The following DHRSX variants were observed in gnomAD, a reference collection of about 807,000 sequenced individuals.
The protein encoded by DHRSX is polyprenol dehydrogenase.
DHRSX carries 31 observed loss-of-function variants against 34.0 expected under a neutral mutation model. The ratio of observed to expected loss-of-function variants is 0.91; its 90% confidence interval spans 0.69 to 1.23. The LOEUF (loss-of-function observed/expected upper bound fraction) is 1.23. DHRSX is among the 50% of genes most tolerant of loss of function. The pLI is 0.00. For synonymous variants in DHRSX, 201 were observed against 183.8 expected (o/e 1.09, Z -0.76); for missense variants, 414 against 428.1 (o/e 0.97, Z 0.29).
At chrX:2,363,496 G>A (rs912838337) in intron 3 of DHRSX, among the ~76,000 whole-genome samples, 9 of 142,944 alleles carry the variant, frequency 6.3e-5, no homozygotes, top group East Asian at 2.3e-4. Flanking sequence ...TTTTATCACC[G>A]TTCTATGGTA....
chrX:2,484,743 A>G (rs1242080750), intron 1 of DHRSX, among the ~76,000 whole-genome samples: 1 of 152,126 alleles, frequency 6.6e-6, no homozygotes. Context: ...CTGAGATCAC[A>G]GAGGGGAAAA....
At chrX:2,393,634 A>AAGACACCCAGGGACAGGGACCTCAC (rs1569496771) in intron 3 of DHRSX, among the ~76,000 whole-genome samples, 3 of 148,102 alleles carry the variant, frequency 2.0e-5, no homozygotes, top group African/African-American at 7.7e-5. Flanking sequence ...TCCTGCACAC[A>AAGACACCCAGGGACAGGGACCTCAC]CGACACACAG....
At chrX:2,434,289 G>A (rs988647537) in intron 1 of DHRSX, among the ~76,000 whole-genome samples, 4 of 152,172 alleles carry the variant, frequency 2.6e-5, no homozygotes, top group African/African-American at 9.7e-5. Context: ...CGTATGCCTT[G>A]GAGAAGTTAG....
chrX:2,330,152 A>G, intron 3 of DHRSX, among the ~76,000 whole-genome samples: 1 of 123,758 alleles, frequency 8.1e-6, no homozygotes, highest in East Asian at 2.5e-4. Flanking sequence ...GAGGAGGAGA[A>G]AGGAAGGAGG....
At chrX:2,306,709 A>G (rs929152285) in intron 3 of DHRSX, among the ~76,000 whole-genome samples, 18 of 152,024 alleles carry the variant, frequency 1.2e-4, no homozygotes, top group African/African-American at 4.3e-4. Context: ...GTGGTTGAGC[A>G]TTTGTGCGTC....
intron 3 of DHRSX, among the ~76,000 whole-genome samples, chrX:2,314,929 G>A (rs192727217): frequency 1.1e-4 from 16 of 152,256 alleles, no homozygotes; most frequent in African/African-American, 3.4e-4. Flanking sequence ...ATGCCAAAGC[G>A]AGGGAATCAC....
chrX:2,434,452 G>A (rs1403025026), intron 1 of DHRSX, among the ~76,000 whole-genome samples: 6 of 152,198 alleles, frequency 3.9e-5, no homozygotes, highest in East Asian at 1.9e-4. Flanking sequence ...GAGGATCAGC[G>A]GAGGCTAGGA....
intron 1 of DHRSX, among the ~76,000 whole-genome samples, chrX:2,479,168 T>C (rs2044729914): frequency 6.6e-6 from 1 of 151,672 alleles, no homozygotes; most frequent in South Asian, 2.1e-4. Context: ...CTGTACACAC[T>C]GAAGACGTTC....
intron 5 of DHRSX, among the ~76,000 whole-genome samples, chrX:2,250,464 A>G: frequency 6.6e-6 from 1 of 152,236 alleles, no homozygotes; most frequent in East Asian, 1.9e-4. Context: ...TCATATGCTA[A>G]ACAACGGGTG....
chrX:2,385,110 A>ATATATG lies in DHRSX; in HGVS notation c.286+23634_286+23635insCATATA, dbSNP rs1458519529. On this transcript the variant is annotated intron_variant, in intron 3 of 6. Transcript: ENST00000334651. ...GAGTGAGACTCCATCTCAAATATATATGTGTGTGTGTGTGTGTGTGTGTGT... is the reference window on the plus strand; with the variant it reads ...GAGTGAGACTCCATCTCAAATATATATATATGTGTGTGTGTGTGTGTGTGTGTGTGT... 3.0e-4 allele frequency among the ~76,000 whole-genome samples: 44 copies of ATATATG among 146,610 alleles called. 1 individual carries two copies. In the East Asian group the frequency reaches 3.7e-3, roughly 12 times the overall value.
At chrX:2,254,341 T>G (rs2041246698) in intron 5 of DHRSX, among the ~76,000 whole-genome samples, 1 of 152,188 alleles carries the variant, frequency 6.6e-6, no homozygotes, top group South Asian at 2.1e-4. Flanking sequence ...CCAATGCAAT[T>G]AGGGAAACTC....
intron 3 of DHRSX, among the ~76,000 whole-genome samples, chrX:2,317,757 AT>A (rs2042258428): frequency 6.6e-6 from 1 of 152,198 alleles, no homozygotes; most frequent in Admixed American, 6.6e-5. Flanking sequence ...TCACGCGTTC[AT>A]TTCATGCACA....
At chrX:2,290,679 T>C (rs2041855258) in intron 4 of DHRSX, among the ~76,000 whole-genome samples, 1 of 152,236 alleles carries the variant, frequency 6.6e-6, no homozygotes, top group Non-Finnish European at 1.5e-5. Flanking sequence ...CTCTCTGAAT[T>C]TGCATTTGGT....
At chrX:2,238,845 A>G (rs996242915) in intron 6 of DHRSX, among the ~76,000 whole-genome samples, 3 of 151,812 alleles carry the variant, frequency 2.0e-5, no homozygotes, top group African/African-American at 7.3e-5. Flanking sequence ...TTGGCCTCCC[A>G]AAGTGCTGGG....
chrX:2,357,418 G>A lies in DHRSX; in HGVS notation c.286+51327C>T, dbSNP rs775172127. On this transcript the variant is annotated intron_variant, in intron 3 of 6. Transcript: ENST00000334651. ...TTATAAGATGTATAGTAAGCCATAC[G>A]ATTTATTTTTAAATGCCCATATGTC... 3.7e-3 allele frequency among the ~76,000 whole-genome samples: 565 copies of A among 152,030 alleles called. 3 individuals carry two copies. The highest frequency in any genetic ancestry group is 6.1e-3 in the Non-Finnish European group (413 of 67,990).
intron 3 of DHRSX, among the ~76,000 whole-genome samples, chrX:2,361,422 A>G (rs2042933187): frequency 6.6e-6 from 1 of 152,150 alleles, no homozygotes; most frequent in Non-Finnish European, 1.5e-5. Flanking sequence ...AGTTTTTAAA[A>G]TGTTATCAGT....
In DHRSX at chrX:2,220,812, G is replaced by A. The variant is rs951704266; in HGVS notation, c.*229C>T. ...GGCACCTGTGACAACTGGGCACTTT[G>A]GAATCACAAAGTTTATGGTTGAAGA... On this transcript the variant is annotated 3_prime_UTR_variant, in exon 7 of 7. Coordinates refer to ENST00000334651, the MANE Select transcript of DHRSX (RefSeq NM_145177.3). The A allele has an allele frequency of 3.3e-5, 16 of 484,806 alleles. No individual in the cohort carries two copies. Among genetic ancestry groups the A allele is most frequent in the African/African-American group, 2.9e-4 (15 of 52,392 alleles). The allele number at this position is 484,806 out of a possible 1,614,324, so 30.0% of individuals were successfully genotyped here. A position where few individuals can be genotyped will look rare whatever the true frequency, so the allele number is the denominator to read the frequency against.
At chrX:2,489,281 T>A in intron 1 of DHRSX, 1 of 1,613,898 alleles carries the variant, frequency 6.2e-7, no homozygotes, top group Non-Finnish European at 8.5e-7. Context: ...GGGCAGCCTC[T>A]TGTAGCGGGG....
At chrX:2,379,309 T>C (rs1422178359) in intron 3 of DHRSX, among the ~76,000 whole-genome samples, 1 of 152,206 alleles carries the variant, frequency 6.6e-6, no homozygotes, top group Non-Finnish European at 1.5e-5. Context: ...TCCTTCTACA[T>C]GATAAGCCGG....
Sources: allele counts gnomAD v4.1 joint callset (sites outside exome capture counted in the v4.1 genomes callset), GRCh38; gene constraint gnomAD v4.1.1; transcripts MANE v1.5; gene names NCBI Gene and HGNC (gene_info 2026-07-23, HGNC 2026-07-21).